ROBO2: variants seen among roughly 807,000 people sequenced by gnomAD.
ROBO2 encodes the protein roundabout guidance receptor 2.
Under a neutral mutation model 160.8 loss-of-function variants are expected in ROBO2, and 53 were observed. The observed-to-expected ratio is 0.33, with a 90% CI of 0.26 to 0.41. The LOEUF (loss-of-function observed/expected upper bound fraction) is 0.41, where lower values mean the gene tolerates loss of function less well. Ranked by LOEUF, ROBO2 falls within the 10% of genes least tolerant of loss-of-function variation. The probability of loss-of-function intolerance (pLI) is 1.00; values close to 1 mark genes in which losing one functional copy is unlikely to be tolerated. For missense variants in ROBO2, 1,577 were observed against 1,722.4 expected, an observed-to-expected ratio of 0.92 and a Z score of 1.49; for synonymous variants, 664 against 611.7, an observed-to-expected ratio of 1.09 and a Z score of -1.26.
chr3:77,595,192 A>C lies in ROBO2; in HGVS notation c.2726+8A>C. 6.2e-7 allele frequency: 1 copy of C among 1,602,682 alleles called. No individual in the cohort carries two copies. Among genetic ancestry groups the C allele is most frequent in the Non-Finnish European group, 8.5e-7 (1 of 1,170,168 alleles). On this transcript the variant is annotated splice_region_variant and intron_variant, in intron 18 of 25. Coordinates refer to ENST00000461745, the Ensembl canonical transcript of ROBO2. Reference sequence around the variant, plus strand: ...ACTAATGAGCAATGGAAGGTATGCTACGGAGATTGTTTCATTATTATTTTT... The same window carrying C: ...ACTAATGAGCAATGGAAGGTATGCTCCGGAGATTGTTTCATTATTATTTTT...
chr3:76,914,080 G>T (rs750405954), intron 2 of ROBO2, among the ~76,000 whole-genome samples: 12 of 152,292 alleles, frequency 7.9e-5, no homozygotes, highest in Non-Finnish European at 1.3e-4. Flanking sequence ...GGTTAGCAAT[G>T]CACTTTTGCA....
intron 2 of ROBO2, among the ~76,000 whole-genome samples, chr3:77,204,074 A>G (rs190841003): frequency 1.5e-4 from 23 of 152,334 alleles, no homozygotes; most frequent in African/African-American, 5.5e-4. Context: ...TATAGTAGAA[A>G]GTAAATAAGA....
chr3:76,354,987 T>C (rs1012781900), intron 2 of ROBO2, among the ~76,000 whole-genome samples: 7 of 151,652 alleles, frequency 4.6e-5, no homozygotes, highest in Admixed American at 1.3e-4. Context: ...ATTTGAAAGT[T>C]CCATGCATAT....
At chr3:76,371,026 T>G (rs1289453710) in intron 2 of ROBO2, among the ~76,000 whole-genome samples, 2 of 151,862 alleles carry the variant, frequency 1.3e-5, no homozygotes, top group Non-Finnish European at 2.9e-5. Flanking sequence ...CATGAGTAGT[T>G]ACATAATTAG....
intron 2 of ROBO2, among the ~76,000 whole-genome samples, chr3:76,446,590 C>G (rs963125478): frequency 6.6e-6 from 1 of 152,162 alleles, no homozygotes; most frequent in Admixed American, 6.5e-5. Flanking sequence ...CAAGTCAATC[C>G]TAAGCCAAAA....
intron 2 of ROBO2, among the ~76,000 whole-genome samples, chr3:77,332,245 C>T (rs1257368241): frequency 6.6e-6 from 1 of 152,064 alleles, no homozygotes. Context: ...TTTTCTCTTG[C>T]CTTTGTTTTC....
At chr3:76,603,722 C>T (rs187525824) in intron 2 of ROBO2, among the ~76,000 whole-genome samples, 158 of 152,076 alleles carry the variant, frequency 1.0e-3, no homozygotes, top group Non-Finnish European at 1.9e-3. Context: ...AACATGTGTG[C>T]TTCTCTACCT....
chr3:77,350,392 A>C (rs1338088926), intron 2 of ROBO2, among the ~76,000 whole-genome samples: 1 of 152,042 alleles, frequency 6.6e-6, no homozygotes, highest in Non-Finnish European at 1.5e-5. Flanking sequence ...TTTATGTATC[A>C]ATCTCCCTTA....
At chr3:77,145,148 G>A (rs544774453) in intron 2 of ROBO2, among the ~76,000 whole-genome samples, 1 of 152,262 alleles carries the variant, frequency 6.6e-6, no homozygotes, top group East Asian at 1.9e-4. Flanking sequence ...TACCTGGAGA[G>A]TGACTAGTAT....
chr3:76,206,290 TA>T (rs1702802921), intron 2 of ROBO2, among the ~76,000 whole-genome samples: 1 of 152,196 alleles, frequency 6.6e-6, no homozygotes, highest in Admixed American at 6.5e-5. Flanking sequence ...AATAGTTTAA[TA>T]AGTTATCATT....
At chr3:77,523,700 T>A (rs1418684170) in intron 6 of ROBO2, among the ~76,000 whole-genome samples, 1 of 151,310 alleles carries the variant, frequency 6.6e-6, no homozygotes, top group Admixed American at 6.6e-5. Flanking sequence ...TCACACTAAT[T>A]CTTGAAACAG....
chr3:75,944,322 C>T (rs1948187018), intron 2 of ROBO2, among the ~76,000 whole-genome samples: 1 of 152,134 alleles, frequency 6.6e-6, no homozygotes, highest in Admixed American at 6.5e-5. Context: ...GACTGGATGG[C>T]ACAGATCTTG....
intron 2 of ROBO2, among the ~76,000 whole-genome samples, chr3:76,761,639 A>G (rs902192397): frequency 2.0e-5 from 3 of 151,766 alleles, no homozygotes; most frequent in Non-Finnish European, 2.9e-5. Flanking sequence ...CACCTAAATG[A>G]GTAATACTCT....
At chr3:76,450,780 A>C (rs1253827905) in intron 2 of ROBO2, among the ~76,000 whole-genome samples, 1 of 152,200 alleles carries the variant, frequency 6.6e-6, no homozygotes, top group African/African-American at 2.4e-5. Flanking sequence ...AAATGCTTGC[A>C]TTTGAAATAT....
At chr3:77,622,153 C>T in intron 22 of ROBO2, 74 bp from the exon 24 acceptor site, 1 of 1,297,606 alleles carries the variant, frequency 7.7e-7, no homozygotes, top group South Asian at 1.2e-5. Context: ...CTATAGCATG[C>T]ATTTAATTAA....
At chr3:77,637,376 A>G (rs2153718998) in intron 24 of ROBO2, among the ~76,000 whole-genome samples, 1 of 152,352 alleles carries the variant, frequency 6.6e-6, no homozygotes, top group Middle Eastern at 3.4e-3. Context: ...TGCAAAGGTA[A>G]GAGGACTTAA....
chr3:77,305,377 G>C (rs944759366), intron 2 of ROBO2, among the ~76,000 whole-genome samples: 1 of 152,142 alleles, frequency 6.6e-6, no homozygotes, highest in Non-Finnish European at 1.5e-5. Flanking sequence ...CTGAGGGTGA[G>C]ACTGTAAAAC....
intron 24 of ROBO2, among the ~76,000 whole-genome samples, chr3:77,640,256 C>T (rs762795885): frequency 1.3e-5 from 2 of 151,912 alleles, no homozygotes; most frequent in African/African-American, 2.4e-5. Context: ...GGACTAAAGG[C>T]GCCCGCCACC....
At chr3:77,216,896 T>C (rs921892892) in intron 2 of ROBO2, among the ~76,000 whole-genome samples, 1 of 152,188 alleles carries the variant, frequency 6.6e-6, no homozygotes, top group Non-Finnish European at 1.5e-5. Context: ...ATCACTCTTA[T>C]CAAGTGTGTC....
Sources: allele counts gnomAD v4.1 joint callset (sites outside exome capture counted in the v4.1 genomes callset), GRCh38; gene constraint gnomAD v4.1.1; transcripts MANE v1.5; gene names NCBI Gene and HGNC (gene_info 2026-07-23, HGNC 2026-07-21).